EXOC4: variants seen among roughly 807,000 people sequenced by gnomAD.
EXOC4 encodes the protein exocyst complex component 4, also known as SEC8-like 1.
EXOC4 carries 71 observed loss-of-function variants against 107.2 expected under a neutral mutation model. That is an observed-to-expected ratio of 0.66 (90% CI 0.55 to 0.81). EXOC4 has a LOEUF of 0.81. Ranked by LOEUF, EXOC4 falls within the 30% of genes least tolerant of loss-of-function variation. The pLI, the probability that EXOC4 is intolerant of heterozygous loss-of-function variation, is 0.00. For synonymous variants in EXOC4, 456 were observed against 441.2 expected (o/e 1.03, Z -0.42); for missense variants, 1,108 against 1,189.6 (o/e 0.93, Z 1.01).
intron 16 of EXOC4, 47 bp downstream of exon 16, chr7:134,005,137 G>A: frequency 6.4e-7 from 1 of 1,556,834 alleles, no homozygotes; most frequent in Non-Finnish European, 8.7e-7. Context: ...AAGAAAGGAT[G>A]AAAGTTTTCC....
chr7:133,863,680 T>C (rs760000900), intron 11 of EXOC4, among the ~76,000 whole-genome samples: 3 of 152,244 alleles, frequency 2.0e-5, no homozygotes, highest in African/African-American at 4.8e-5. Flanking sequence ...TTATGCACTT[T>C]GCACTTTTCT....
intron 7 of EXOC4, among the ~76,000 whole-genome samples, chr7:133,473,739 C>T (rs950007046): frequency 1.3e-5 from 2 of 151,608 alleles, no homozygotes; most frequent in South Asian, 2.1e-4. Context: ...CTCACTCTGT[C>T]GCCCAGGCTG....
At chr7:133,630,215 T>A in intron 10 of EXOC4, 74 bp downstream of exon 10, 2 of 1,162,974 alleles carry the variant, frequency 1.7e-6, no homozygotes, top group Non-Finnish European at 2.6e-6. Flanking sequence ...TGAATGCCAG[T>A]TGTTGAGTCA....
chr7:133,328,661 A>T (rs1245069731), intron 5 of EXOC4, among the ~76,000 whole-genome samples: 9 of 152,078 alleles, frequency 5.9e-5, no homozygotes, highest in African/African-American at 2.2e-4. Context: ...AAAGGATTTT[A>T]TTTCTCCTTC....
At chr7:133,574,401 T>C (rs1348928798) in intron 9 of EXOC4, among the ~76,000 whole-genome samples, 2 of 152,238 alleles carry the variant, frequency 1.3e-5, no homozygotes, top group Non-Finnish European at 2.9e-5. Context: ...GCTTCTTCAC[T>C]AAGGGGTTTG....
At chr7:133,871,097 C>T (rs984178341) in intron 11 of EXOC4, among the ~76,000 whole-genome samples, 1 of 152,176 alleles carries the variant, frequency 6.6e-6, no homozygotes, top group Non-Finnish European at 1.5e-5. Context: ...TACCAAGACT[C>T]ATCACTTCTT....
chr7:133,397,347 T>G (rs1796993654), intron 7 of EXOC4, among the ~76,000 whole-genome samples: 1 of 150,040 alleles, frequency 6.7e-6, no homozygotes, highest in Non-Finnish European at 1.5e-5. Context: ...TTGGTCAGGG[T>G]GGTCTCGAAA....
chr7:133,537,300 C>CG (rs1041336843), intron 9 of EXOC4, among the ~76,000 whole-genome samples: 4 of 148,376 alleles, frequency 2.7e-5, no homozygotes, highest in East Asian at 2.0e-4. Flanking sequence ...ACAGGCACCC[C>CG]CCCCCCCACC....
At chr7:133,460,759 A>C (rs1339536743) in intron 7 of EXOC4, among the ~76,000 whole-genome samples, 2 of 152,200 alleles carry the variant, frequency 1.3e-5, no homozygotes, top group Admixed American at 6.5e-5. Flanking sequence ...AATCTTGTAG[A>C]TGCAAGAGTT....
chr7:133,703,754 T>C (rs1794712960), intron 10 of EXOC4, among the ~76,000 whole-genome samples: 1 of 152,206 alleles, frequency 6.6e-6, no homozygotes, highest in South Asian at 2.1e-4. Flanking sequence ...CTGTAGGAGC[T>C]GTCTCATCAG....
At chr7:133,343,477 A>G (rs981757469) in intron 5 of EXOC4, among the ~76,000 whole-genome samples, 9 of 151,998 alleles carry the variant, frequency 5.9e-5, no homozygotes, top group Non-Finnish European at 1.3e-4. Context: ...GGGTCTCCCT[A>G]TGTTGCCTAA....
chr7:133,868,828 C>G lies in EXOC4; in HGVS notation c.1735-26771C>G, dbSNP rs145141890. Among the ~76,000 whole-genome samples, 8 of 152,234 alleles carry G rather than the reference C, an allele frequency of 5.3e-5. No homozygotes were observed. In the East Asian group the frequency reaches 1.5e-3, roughly 29 times the overall value. ...TTGATGTCTTGGGAAAAAATAATCT[C>G]TTTATCATCATTTCAATGGGGTTTC... is the stretch of plus-strand genomic sequence containing the variant. On this transcript the variant is annotated intron_variant, in intron 11 of 17. Coordinates refer to ENST00000253861, the MANE Select transcript of EXOC4 (RefSeq NM_021807.4).
chr7:133,620,014 T>TC (rs1316175842), intron 9 of EXOC4, among the ~76,000 whole-genome samples: 1 of 140,742 alleles, frequency 7.1e-6, no homozygotes, highest in African/African-American at 2.6e-5. Context: ...GTGTGTTTGT[T>TC]TTTTTTTGTT....
At chr7:133,762,655 C>A (rs1039330972) in intron 10 of EXOC4, among the ~76,000 whole-genome samples, 1 of 151,864 alleles carries the variant, frequency 6.6e-6, no homozygotes. Flanking sequence ...CAATAGGGAA[C>A]GTAAGTTAAT....
intron 14 of EXOC4, among the ~76,000 whole-genome samples, chr7:133,955,854 A>G (rs1229889010): frequency 6.6e-6 from 1 of 152,258 alleles, no homozygotes; most frequent in African/African-American, 2.4e-5. Flanking sequence ...GCCCAGGCTT[A>G]GCCTCAACTT....
chr7:133,791,169 G>A (rs113275427), intron 10 of EXOC4, among the ~76,000 whole-genome samples: 226 of 152,266 alleles, frequency 1.5e-3, no homozygotes, highest in Non-Finnish European at 2.8e-3. Context: ...CAGGAAGCGG[G>A]CAACTGATCT....
chr7:133,907,676 T>G (rs1228768895), intron 12 of EXOC4, among the ~76,000 whole-genome samples: 1 of 152,112 alleles, frequency 6.6e-6, no homozygotes, highest in Non-Finnish European at 1.5e-5. Context: ...CCATCTCTAC[T>G]AAATATACAA....
intron 14 of EXOC4, among the ~76,000 whole-genome samples, chr7:133,955,449 G>A (rs886771253): frequency 2.8e-4 from 42 of 152,174 alleles, no homozygotes; most frequent in Non-Finnish European, 2.5e-4. Flanking sequence ...TCATCCTGTC[G>A]AGTGCTTAAG....
At chr7:133,917,468 T>G in intron 12 of EXOC4, 115 bp from the exon 13 acceptor site, 2 of 967,416 alleles carry the variant, frequency 2.1e-6, no homozygotes, top group Non-Finnish European at 3.1e-6. Context: ...TAATGGATTA[T>G]GTTCAAAGGA....
Sources: gnomAD v4.1 joint callset for allele counts (sites outside exome capture counted in the v4.1 genomes callset) on GRCh38, gnomAD v4.1.1 for gene constraint, MANE v1.5 for transcripts, NCBI Gene and HGNC (gene_info 2026-07-23, HGNC 2026-07-21) for gene names.